The following MANEAL variants were observed in gnomAD, a reference collection of about 807,000 sequenced individuals.
The protein encoded by MANEAL is mannosidase endo-alpha like, also known as glycoprotein endo-alpha-1,2-mannosidase-like protein.
A neutral mutation model predicts 35.9 loss-of-function variants in MANEAL; 28 were observed. The observed-to-expected ratio is 0.78, with a 90% CI of 0.58 to 1.07. The LOEUF (loss-of-function observed/expected upper bound fraction) is 1.07. Ranked by LOEUF, MANEAL falls within the 50% of genes least tolerant of loss-of-function variation. The pLI is 0.00. For synonymous variants in MANEAL, 286 were observed against 272.2 expected (o/e 1.05, Z -0.50); for missense variants, 576 against 629.6 (o/e 0.91, Z 0.91).
Position 37,794,438 on chromosome 1 carries a change from C to A in MANEAL, c.256C>A (p.Pro86Thr). The A allele has an allele frequency of 6.6e-7, 1 of 1,513,950 alleles. No homozygotes were observed. The allele number at this position is 1,513,950 out of a possible 1,614,324, so 93.8% of individuals were successfully genotyped here. A position where few individuals can be genotyped will look rare whatever the true frequency, so the allele number is the denominator to read the frequency against. ...RTADPGGSPG[P>T]APAEAEPAPV... The stretch of plus-strand genomic sequence containing the variant: ...CGCGGACCCTGGCGGCTCCCCTGGG[C>A]CGGCACCCGCGGAGGCCGAGCCCGC... Residue 86 changes from proline (P) to threonine (T), a missense_variant, in exon 1 of 4, where the codon CCG becomes ACG. Physicochemically the swap from Pro to Thr is conservative, Grantham distance 38. Transcript: ENST00000373045. The surrounding 1 kb of genome is among the most constrained non-coding windows in gnomAD (Gnocchi z 5.7).
In MANEAL at chr1:37,794,516, T is replaced by C; in HGVS notation, c.334T>C (p.Trp112Arg). 4 of 1,610,624 alleles carry C rather than the reference T, an allele frequency of 2.5e-6. No individual in the cohort carries two copies. The highest frequency in any genetic ancestry group is 3.4e-6 in the Non-Finnish European group (4 of 1,179,252). ...YSDLHAFYYS[W>R]YGSPRREGHY... ...GGACCTGCACGCCTTCTACTACTCG[T>C]GGTACGGGAGCCCGCGGCGCGAGGG... The change falls in exon 1 of 4, where the codon TGG becomes CGG. Residue 112 changes from tryptophan (W) to arginine (R), a missense_variant. By Grantham distance (101) the Trp-to-Arg change is moderately radical. Transcript: ENST00000373045. The surrounding 1 kb of genome is among the most constrained non-coding windows in gnomAD (Gnocchi z 5.7).
In MANEAL at chr1:37,799,562, C is replaced by T. The variant is rs1219374403; in HGVS notation, c.738-5C>T. The T allele has an allele frequency of 3.1e-6, 5 of 1,610,292 alleles. No individual in the cohort carries two copies. The East Asian group carries it at 1.1e-4, about 36-fold the overall frequency. Reference sequence around the variant, plus strand: ...CCAGCTGAGGCTCTTCTTTCTCCTTCTCAGGTATGGCTCCCATGGTGCATT... The same window carrying T: ...CCAGCTGAGGCTCTTCTTTCTCCTTTTCAGGTATGGCTCCCATGGTGCATT... On this transcript the variant is annotated splice_polypyrimidine_tract_variant and splice_region_variant and intron_variant, in intron 3 of 3. Transcript: ENST00000373045. This position sits in a 1 kb window ranked among gnomAD's most constrained non-coding sequence, Gnocchi z 4.1.
intron 3 of MANEAL, among the ~76,000 whole-genome samples, chr1:37,798,014 A>G (rs1166145277): frequency 6.6e-6 from 1 of 151,916 alleles, no homozygotes; most frequent in Non-Finnish European, 1.5e-5. Flanking sequence ...TGGGCATAGC[A>G]GTGCATGCCT....
chr1:37,799,528 C>T lies in MANEAL; in HGVS notation c.738-39C>T, dbSNP rs772345051. The T allele has an allele frequency of 1.6e-5, 26 of 1,588,122 alleles. No homozygotes were observed. The highest frequency in any genetic ancestry group is 1.3e-5 in the African/African-American group (1 of 74,298). On this transcript the variant is annotated intron_variant, in intron 3 of 3. Transcript: ENST00000373045. This position sits in a 1 kb window ranked among gnomAD's most constrained non-coding sequence, Gnocchi z 4.1. ...CGGGAGGTCCTACAGCTGTGCTGGT[C>T]TCTCCCATCCAGCTGAGGCTCTTCT...
At position 37,796,837 on chromosome 1, in the gene MANEAL, G is replaced by A. The variant is rs377304382; in HGVS notation, c.737+17G>A. Reference sequence around the variant, plus strand: ...CATTGACACGTAAGGCTGCTCTGGGGGCCGGGATTTTGGTGGGGATCAAAA... The same window carrying A: ...CATTGACACGTAAGGCTGCTCTGGGAGCCGGGATTTTGGTGGGGATCAAAA... On this transcript the variant is annotated intron_variant, in intron 3 of 3. Coordinates refer to ENST00000373045, the MANE Select transcript of MANEAL (RefSeq NM_001113482.2). 8 of 1,602,480 alleles carry A rather than the reference G, an allele frequency of 5.0e-6. No individual in the cohort carries two copies. Among genetic ancestry groups the A allele is most frequent in the Non-Finnish European group, 6.8e-6 (8 of 1,174,320 alleles).
chr1:37,796,796 A>G lies in MANEAL; in HGVS notation c.713A>G (p.Asp238Gly), dbSNP rs202149993. 1 of 1,610,218 alleles carries G rather than the reference A, an allele frequency of 6.2e-7. No individual in the cohort carries two copies. The highest frequency in any genetic ancestry group is 1.1e-5 in the South Asian group (1 of 90,290). ...YKGRDDITVH[D>G]NIKYIIDTYG... ...GGCCGGGATGACATCACTGTACATG[A>G]CAACATCAAGTACATCATTGACACG... Residue 238 changes from aspartate to glycine, a missense_variant, in exon 3 of 4, where the codon GAC becomes GGC. Asp to Gly is a moderately conservative substitution (Grantham distance 94, BLOSUM62 -1). Transcript: ENST00000373045.
In MANEAL at chr1:37,795,784, G is replaced by C; in HGVS notation, c.598G>C (p.Gly200Arg). 3 of 1,614,108 alleles carry C rather than the reference G, an allele frequency of 1.9e-6. No individual in the cohort carries two copies. The highest frequency in any genetic ancestry group is 1.6e-4 in the Middle Eastern group (1 of 6,062). ...CCCACCTGGCATGGCTGATGATAAC[G>C]GGGAGCCCTCAGATGACCTGGTGCC... ...WYPPGMADDN[G>R]EPSDDLVPAI... is the part of the protein sequence containing the mutation. Residue 200 changes from glycine (G) to arginine (R), a missense_variant, in exon 2 of 4, where the codon GGG becomes CGG. Transcript: ENST00000373045.
In MANEAL at chr1:37,794,241, TC is replaced by T; in HGVS notation, c.60del (p.Phe20LeufsTer156). ...CTGTTCCTGGTGCTGCTCTTCGCCT[TC>T]GGCACCCTCATGGGTCTGCGCACGC... ...IALFLVLLFAFGTLMGLRTLK... is the reference protein window; with the variant it reads ...IALFLVLLFAXGTLMGLRTLK... On this transcript the variant is annotated frameshift_variant, in exon 1 of 4. Transcript: ENST00000373045. LOFTEE classifies it high-confidence loss of function. The surrounding 1 kb of genome is among the most constrained non-coding windows in gnomAD (Gnocchi z 5.7). 1 of 1,334,440 alleles carries T rather than the reference TC, an allele frequency of 7.5e-7. No individual in the cohort carries two copies. Among genetic ancestry groups the T allele is most frequent in the East Asian group, 3.9e-5 (1 of 25,810 alleles). 82.7% of individuals were successfully genotyped at this position (1,334,440 alleles called of 1,614,324 possible).
In MANEAL at chr1:37,794,714, C is replaced by T. The variant is rs1225489074; in HGVS notation, c.532C>T (p.Leu178Phe). Residue 178 changes from leucine (L) to phenylalanine (F), a missense_variant, in exon 1 of 4, where the codon CTC (leucine) becomes TTC (phenylalanine). This residue lies in a region of MANEAL where 449 missense variants were observed against 516.1 expected (regional missense o/e 0.87). Coordinates refer to ENST00000373045, the MANE Select transcript of MANEAL (RefSeq NM_001113482.2). This position sits in a 1 kb window ranked among gnomAD's most constrained non-coding sequence, Gnocchi z 5.7. Reference protein sequence around the residue: ...PEVLREHMTQLKEAAIGVLVL... With the variant: ...PEVLREHMTQFKEAAIGVLVL... ...AGTGCTGCGGGAGCATATGACCCAG[C>T]TCAAGGAAGCCGCCATCGGTGAGCG... is the stretch of plus-strand genomic sequence containing the variant. The T allele has an allele frequency of 6.3e-7, 1 of 1,579,742 alleles. No homozygotes were observed. Among genetic ancestry groups the T allele is most frequent in the East Asian group, 2.3e-5 (1 of 44,280 alleles).
Position 37,794,375 on chromosome 1 carries a change from C to T in MANEAL, c.193C>T (p.Pro65Ser). The T allele has an allele frequency of 9.4e-7, 1 of 1,068,870 alleles. No individual in the cohort carries two copies. The highest frequency in any genetic ancestry group is 1.1e-6 in the Non-Finnish European group (1 of 885,234). The allele number at this position is 1,068,870 out of a possible 1,614,324, so 66.2% of individuals were successfully genotyped here. Residue 65 changes from proline to serine, a missense_variant, in exon 1 of 4, where the codon CCT (proline) becomes TCT (serine). Coordinates refer to ENST00000373045, the MANE Select transcript of MANEAL (RefSeq NM_001113482.2). This position sits in a 1 kb window ranked among gnomAD's most constrained non-coding sequence, Gnocchi z 5.7. ...GCCCGCTGCCAGGGCCCCGGCAGCC[C>T]CTGCCGCGCCGCCCCCGCCGCCGCC... ...PAPAARAPAA[P>S]AAPPPPPPPP...
In MANEAL at chr1:37,794,919, C is replaced by G. The variant is rs536240157; in HGVS notation, c.550+187C>G. Among the ~76,000 whole-genome samples the G allele has an allele frequency of 5.3e-5, 8 of 152,346 alleles. No individual in the cohort carries two copies. In the South Asian group the frequency reaches 1.7e-3, roughly 32 times the overall value. On this transcript the variant is annotated intron_variant, in intron 1 of 3. Coordinates refer to ENST00000373045, the MANE Select transcript of MANEAL (RefSeq NM_001113482.2). The surrounding 1 kb of genome is among the most constrained non-coding windows in gnomAD (Gnocchi z 5.7). ...CGACACCGCCCCTCCGTCTAGTATT[C>G]AGACCCCCCAGCTGGGCCCTTCCAT...
In MANEAL at chr1:37,794,121, G is replaced by C; in HGVS notation, c.-62G>C. Reference sequence around the variant, plus strand: ...CTGCCTGGGAAGCGCGCGGCCGGGCGGGCGGCCATGGCGCGGCACGCTGGG... The same window carrying C: ...CTGCCTGGGAAGCGCGCGGCCGGGCCGGCGGCCATGGCGCGGCACGCTGGG... On this transcript the variant is annotated 5_prime_UTR_variant, in exon 1 of 4. Transcript: ENST00000373045. This position sits in a 1 kb window ranked among gnomAD's most constrained non-coding sequence, Gnocchi z 5.7. 2 of 1,065,574 alleles carry C rather than the reference G, an allele frequency of 1.9e-6. No homozygotes were observed. The allele number at this position is 1,065,574 out of a possible 1,614,324, so 66.0% of individuals were successfully genotyped here. A position where few individuals can be genotyped will look rare whatever the true frequency, so the allele number is the denominator to read the frequency against.
At position 37,800,533 on chromosome 1, in the gene MANEAL, C is replaced by G; in HGVS notation, c.*330C>G. On this transcript the variant is annotated 3_prime_UTR_variant, in exon 4 of 4. Coordinates refer to ENST00000373045, the MANE Select transcript of MANEAL (RefSeq NM_001113482.2). ...GCAGGCTGGTGCTGTGTAGTGGCCA[C>G]CCAGTCACCACCCTTGGAAGGGTGT... The G allele has an allele frequency of 2.9e-6, 1 of 341,324 alleles. No homozygotes were observed. The highest frequency in any genetic ancestry group is 4.2e-5 in the Admixed American group (1 of 23,666). 21.1% of individuals were successfully genotyped at this position (341,324 alleles called of 1,614,324 possible). A position where few individuals can be genotyped will look rare whatever the true frequency, so the allele number is the denominator to read the frequency against.
rs1557574669 is a variant in MANEAL, at chr1:37,799,535, A to G, written c.738-32A>G. On this transcript the variant is annotated intron_variant, in intron 3 of 3. Transcript: ENST00000373045. The surrounding 1 kb of genome is among the most constrained non-coding windows in gnomAD (Gnocchi z 4.1). ...TCCTACAGCTGTGCTGGTCTCTCCC[A>G]TCCAGCTGAGGCTCTTCTTTCTCCT... The G allele has an allele frequency of 2.5e-6, 4 of 1,598,786 alleles. No individual in the cohort carries two copies. The highest frequency in any genetic ancestry group is 1.7e-5 in the Admixed American group (1 of 59,006).
At chr1:37,796,891 G>A (rs2148385369) in intron 3 of MANEAL, 71 bp downstream of exon 3, 1 of 1,430,164 alleles carries the variant, frequency 7.0e-7, no homozygotes, top group Non-Finnish European at 9.7e-7. Context: ...GTTTGGAGGG[G>A]CAGGTCAAGA....
intron 3 of MANEAL, among the ~76,000 whole-genome samples, chr1:37,798,049 GCAGAGGTGGGAGGATCACTTGAGCC>G (rs1265148289): frequency 5.3e-5 from 8 of 152,094 alleles, no homozygotes; most frequent in African/African-American, 1.9e-4. Flanking sequence ...TACTTGGAAG[GCAGAGGTGGGAGGATCACTTGAGCC>G]CAGGAGTTTG....
At position 37,794,761 on chromosome 1, in the gene MANEAL, GCC is replaced by G; in HGVS notation, c.550+34_550+35del. On this transcript the variant is annotated intron_variant, in intron 1 of 3. Coordinates refer to ENST00000373045, the MANE Select transcript of MANEAL (RefSeq NM_001113482.2). The surrounding 1 kb of genome is among the most constrained non-coding windows in gnomAD (Gnocchi z 5.7). ...AGCGCCCCCCACCCCGGGCGGCCCTGCCCCCCAGCCTCACCCTTCCTCCTTCC... is the reference window on the plus strand; with the variant it reads ...AGCGCCCCCCACCCCGGGCGGCCCTGCCCCAGCCTCACCCTTCCTCCTTCC... 2 of 1,436,420 alleles carry G rather than the reference GCC, an allele frequency of 1.4e-6. No individual in the cohort carries two copies. The highest frequency in any genetic ancestry group is 1.9e-6 in the Non-Finnish European group (2 of 1,057,384). The allele number at this position is 1,436,420 out of a possible 1,614,324, so 89.0% of individuals were successfully genotyped here.
At position 37,799,928 on chromosome 1, in the gene MANEAL, A is replaced by G. The variant is rs201922703; in HGVS notation, c.1099A>G (p.Ile367Val). The change falls in exon 4 of 4, where the codon ATT becomes GTT. Residue 367 changes from isoleucine to valine, a missense_variant. Physicochemically the swap from Ile to Val is conservative, Grantham distance 29. This residue lies in a region of MANEAL where 449 missense variants were observed against 516.1 expected (regional missense o/e 0.87). Coordinates refer to ENST00000373045, the MANE Select transcript of MANEAL (RefSeq NM_001113482.2). The surrounding 1 kb of genome is among the most constrained non-coding windows in gnomAD (Gnocchi z 4.1). ...SVGPGYIDTSIRPWNNHNTRN... is the reference protein window; with the variant it reads ...SVGPGYIDTSVRPWNNHNTRN... ...GGGGCCTGGCTACATAGACACCAGC[A>G]TTCGGCCCTGGAACAACCACAATAC... 1 of 1,614,140 alleles carries G rather than the reference A, an allele frequency of 6.2e-7. No individual in the cohort carries two copies. Among genetic ancestry groups the G allele is most frequent in the Non-Finnish European group, 8.5e-7 (1 of 1,180,052 alleles).
At chr1:37,798,161 AC>A (rs201314980) in intron 3 of MANEAL, among the ~76,000 whole-genome samples, 15 of 151,320 alleles carry the variant, frequency 9.9e-5, no homozygotes, top group South Asian at 2.1e-4. Flanking sequence ...AAAAAAACAA[AC>A]AAAAAAAAAG....
Sources: allele counts gnomAD v4.1 joint callset (sites outside exome capture counted in the v4.1 genomes callset), GRCh38; gene constraint gnomAD v4.1.1; regional missense constraint gnomAD v4.1.1; non-coding constraint Gnocchi (gnomAD v3.1); transcripts MANE v1.5; gene names NCBI Gene and HGNC (gene_info 2026-07-23, HGNC 2026-07-21).